ERAP1: variants seen among roughly 807,000 people sequenced by gnomAD.
ERAP1 encodes the protein endoplasmic reticulum aminopeptidase 1.
Under a neutral mutation model 103.7 loss-of-function variants are expected in ERAP1, and 86 were observed. That is an observed-to-expected ratio of 0.83 (90% CI 0.70 to 0.99). The LOEUF is 0.99. Ranked by LOEUF, ERAP1 falls within the 50% of genes least tolerant of loss-of-function variation. The pLI, the probability that ERAP1 is intolerant of heterozygous loss-of-function variation, is 0.00. For missense variants in ERAP1, 1,009 were observed against 1,128.4 expected, an observed-to-expected ratio of 0.89 and a Z score of 1.52; for synonymous variants, 398 against 402.4, an observed-to-expected ratio of 0.99 and a Z score of 0.13.
chr5:96,765,549 G>T (rs1387299609), intron 19 of ERAP1, among the ~76,000 whole-genome samples: 1 of 152,086 alleles, frequency 6.6e-6, no homozygotes, highest in Non-Finnish European at 1.5e-5. Context: ...ATTCTGGGAG[G>T]TAGGTGTGGG....
chr5:96,911,730 G>A, the ERAP1 span, among the ~76,000 whole-genome samples: 94,348 of 151,234 alleles, frequency 0.62, 29,588 homozygotes, highest in South Asian at 0.73. Flanking sequence ...AAAATTAGCC[G>A]GGCATGGTGC....
At chr5:96,889,363 T>G in the ERAP1 span, 1 of 1,572,824 alleles carries the variant, frequency 6.4e-7, no homozygotes, top group African/African-American at 1.3e-5. Flanking sequence ...TGCTTTGATC[T>G]CTTCCCTCTT....
chr5:96,847,092 A>T, the ERAP1 span, among the ~76,000 whole-genome samples: 1 of 151,350 alleles, frequency 6.6e-6, no homozygotes, highest in Non-Finnish European at 1.5e-5. Context: ...ACAAAAAAAA[A>T]AAAAAAATAG....
the ERAP1 span, chr5:96,903,516 T>C: frequency 4.3e-6 from 7 of 1,613,610 alleles, no homozygotes; most frequent in African/African-American, 8.0e-5. Context: ...TTCTCAGACC[T>C]AAGGACAGAG....
At chr5:96,874,486 T>TA in the ERAP1 span, among the ~76,000 whole-genome samples, 2 of 152,224 alleles carry the variant, frequency 1.3e-5, no homozygotes, top group African/African-American at 4.8e-5. Flanking sequence ...CCTGCAGAGT[T>TA]AGAGTCCGTA....
the ERAP1 span, among the ~76,000 whole-genome samples, chr5:96,865,460 T>C: frequency 5.3e-5 from 8 of 152,176 alleles, no homozygotes; most frequent in African/African-American, 1.9e-4. Context: ...GAGATTTGCT[T>C]AACATTAGCA....
At chr5:96,903,706 A>G in the ERAP1 span, 1 of 640,794 alleles carries the variant, frequency 1.6e-6, no homozygotes, top group Non-Finnish European at 2.5e-6. Context: ...GCCAAAGACT[A>G]CCCACTAATA....
In ERAP1 at chr5:96,774,963, T is replaced by C; in HGVS notation, c.*1433A>G. 8 of 984,712 alleles carry C rather than the reference T, an allele frequency of 8.1e-6. No individual in the cohort carries two copies. The highest frequency in any genetic ancestry group is 9.6e-6 in the Non-Finnish European group (8 of 829,542). The allele number at this position is 984,712 out of a possible 1,614,324, so 61.0% of individuals were successfully genotyped here. ...CTTATCTTGAAGTTTTTGCCTTATA[T>C]TCAAAAAGTTCAGTTTGAATTCTCC... On this transcript the variant is annotated 3_prime_UTR_variant, in exon 19 of 19. Coordinates refer to ENST00000443439, the MANE Select transcript of ERAP1 (RefSeq NM_001040458.3).
chr5:96,909,138 A>G, the ERAP1 span: 2 of 1,609,930 alleles, frequency 1.2e-6, no homozygotes, highest in Middle Eastern at 1.6e-4. Context: ...CTTTTAGAAA[A>G]TGTATTAAGT....
At chr5:96,799,407 C>T (rs1268684157) in intron 3 of ERAP1, among the ~76,000 whole-genome samples, 4 of 151,978 alleles carry the variant, frequency 2.6e-5, no homozygotes, top group Non-Finnish European at 4.4e-5. Flanking sequence ...GAGGTATTCC[C>T]GTCCAAAGGG....
chr5:96,830,737 C>A, the ERAP1 span, among the ~76,000 whole-genome samples: 2 of 152,136 alleles, frequency 1.3e-5, no homozygotes, highest in Non-Finnish European at 2.9e-5. Context: ...AGCAAGGGAA[C>A]AATCAACATA....
chr5:96,886,578 C>T, the ERAP1 span: 2 of 1,284,938 alleles, frequency 1.6e-6, no homozygotes, highest in East Asian at 2.6e-5. Context: ...GCCTCTAACT[C>T]ACCTGCCATA....
the ERAP1 span, chr5:96,880,162 C>T: frequency 3.1e-6 from 5 of 1,614,052 alleles, no homozygotes; most frequent in Middle Eastern, 4.9e-4. Flanking sequence ...TTACGCCTCA[C>T]CTGAAATACT....
At chr5:96,766,320 T>A (rs939946675) in intron 19 of ERAP1, among the ~76,000 whole-genome samples, 1 of 152,218 alleles carries the variant, frequency 6.6e-6, no homozygotes, top group Non-Finnish European at 1.5e-5. Context: ...TTTGAGCCAA[T>A]ATCATTATAT....
At chr5:96,810,309 C>T (rs887410261), upstream of ERAP1, among the ~76,000 whole-genome samples, 3 of 152,098 alleles carry the variant, frequency 2.0e-5, no homozygotes, top group Non-Finnish European at 2.9e-5. Context: ...AGCACATTAC[C>T]GAGCTTAGAA....
the ERAP1 span, among the ~76,000 whole-genome samples, chr5:96,877,281 C>CT: frequency 6.6e-6 from 1 of 152,032 alleles, no homozygotes; most frequent in Admixed American, 6.6e-5. Context: ...GGTCCTGTTT[C>CT]TTTATCTGAA....
chr5:96,797,827 T>C (rs1441106063), intron 3 of ERAP1, among the ~76,000 whole-genome samples: 1 of 152,224 alleles, frequency 6.6e-6, no homozygotes, highest in Non-Finnish European at 1.5e-5. Context: ...TAAATCCACA[T>C]TTGGCATATG....
At chr5:96,918,408 G>A in the ERAP1 span, 1 of 152,180 alleles carries the variant, frequency 6.6e-6, no homozygotes, top group East Asian at 1.9e-4. Flanking sequence ...CAGAGACTTT[G>A]CCACCAAATC....
chr5:96,923,687 C>T, the ERAP1 span, among the ~76,000 whole-genome samples: 2 of 145,460 alleles, frequency 1.4e-5, no homozygotes, highest in South Asian at 4.3e-4. Flanking sequence ...CAGTGAGACT[C>T]TGTCTCAAAA....
Sources: gnomAD v4.1 joint callset for allele counts (sites outside exome capture counted in the v4.1 genomes callset) on GRCh38, gnomAD v4.1.1 for gene constraint, MANE v1.5 for transcripts, NCBI Gene and HGNC (gene_info 2026-07-23, HGNC 2026-07-21) for gene names.